Variants in BNC2 observed in about 807,000 individuals in gnomAD.
The protein encoded by BNC2 is zinc finger protein basonuclin-2.
A neutral mutation model predicts 76.3 loss-of-function variants in BNC2; 20 were observed. The observed-to-expected ratio is 0.26, with a 90% CI of 0.18 to 0.38. BNC2 has a LOEUF of 0.38. Ranked by LOEUF, BNC2 falls within the 10% of genes least tolerant of loss-of-function variation. BNC2 has a pLI of 1.00. For synonymous variants in BNC2, 582 were observed against 514.8 expected, an observed-to-expected ratio of 1.13 and a Z score of -1.77; for missense variants, 1,382 against 1,399.8, an observed-to-expected ratio of 0.99 and a Z score of 0.20.
chr9:16,523,947 C>T (rs993842531), intron 5 of BNC2, among the ~76,000 whole-genome samples: 1 of 152,046 alleles, frequency 6.6e-6, no homozygotes, highest in African/African-American at 2.4e-5. Flanking sequence ...ACAACAATTC[C>T]ATCTCAAAAA....
chr9:16,859,120 A>G (rs1423065196), intron 1 of BNC2, among the ~76,000 whole-genome samples: 2 of 152,142 alleles, frequency 1.3e-5, no homozygotes, highest in African/African-American at 4.8e-5. Context: ...ATCAGGAATC[A>G]AGGAAAGGCA....
At chr9:16,744,881 G>A (rs1179298078) in intron 1 of BNC2, among the ~76,000 whole-genome samples, 1 of 152,188 alleles carries the variant, frequency 6.6e-6, no homozygotes, top group Non-Finnish European at 1.5e-5. Flanking sequence ...ATATGTACAT[G>A]AATGAACTAA....
chr9:16,698,595 A>T (rs1320467105), intron 3 of BNC2, among the ~76,000 whole-genome samples: 1 of 152,124 alleles, frequency 6.6e-6, no homozygotes, highest in Non-Finnish European at 1.5e-5. Flanking sequence ...CGGGAGGCTG[A>T]GGCAGGAGAA....
intron 1 of BNC2, among the ~76,000 whole-genome samples, chr9:16,847,396 CGGGGCG>C (rs1819011267): frequency 5.0e-5 from 1 of 20,058 alleles, no homozygotes; most frequent in South Asian, 1.7e-3. Context: ...GAAGATTTCT[CGGGGCG>C]GGGGGGGGGG....
chr9:16,616,781 G>GAGGAGGGAAGGA lies in BNC2; in HGVS notation c.331-33697_331-33696insTCCTTCCCTCCT, dbSNP rs1309978519. 3.2e-4 allele frequency among the ~76,000 whole-genome samples: 17 copies of GAGGAGGGAAGGA among 52,800 alleles called. No homozygotes were observed. The East Asian group carries it at 9.9e-3, about 31-fold the overall frequency. The allele number at this position is 52,800 out of a possible 152,430, so 34.6% of individuals were successfully genotyped here. A position where few individuals can be genotyped will look rare whatever the true frequency, so the allele number is the denominator to read the frequency against. On this transcript the variant is annotated intron_variant, in intron 3 of 6. Coordinates refer to ENST00000380672, the MANE Select transcript of BNC2 (RefSeq NM_017637.6). ...GGAAGACAGGGATGGGAGGGGAGGG[G>GAGGAGGGAAGGA]AGGAAGGAGGGAAGGAAGGAAGGAA...
chr9:16,766,790 G>C (rs1020751833), intron 1 of BNC2, among the ~76,000 whole-genome samples: 1 of 152,184 alleles, frequency 6.6e-6, no homozygotes, highest in African/African-American at 2.4e-5. Flanking sequence ...TAAATGGTTT[G>C]GGAAGGTTAC....
intron 3 of BNC2, among the ~76,000 whole-genome samples, chr9:16,711,169 C>T (rs572034759): frequency 4.6e-4 from 70 of 152,074 alleles, no homozygotes; most frequent in South Asian, 1.2e-3. Context: ...GAAAGAGAAA[C>T]GCAAGAGCAA....
intron 4 of BNC2, among the ~76,000 whole-genome samples, chr9:16,554,952 G>A (rs1268442224): frequency 3.3e-5 from 5 of 152,212 alleles, no homozygotes; most frequent in African/African-American, 4.8e-5. Flanking sequence ...GTGCAAATGC[G>A]TTCAAATTGT....
rs1445241312 is a variant in BNC2 at position 16,414,361 on chromosome 9, C to T, written c.*4628G>A. The stretch of plus-strand genomic sequence containing the variant: ...TAGTTCTGATGAAAACACTGTGATC[C>T]CTCCAGTCTTTCTGGTATCTTTTAT... On this transcript the variant is annotated 3_prime_UTR_variant, in exon 7 of 7. Coordinates refer to ENST00000380672, the MANE Select transcript of BNC2 (RefSeq NM_017637.6). 1 of 152,190 alleles carries T rather than the reference C, an allele frequency of 6.6e-6. No homozygotes were observed. The highest frequency in any genetic ancestry group is 1.5e-5 in the Non-Finnish European group (1 of 68,032). 9.4% of individuals were successfully genotyped at this position (152,190 alleles called of 1,614,324 possible).
At chr9:16,703,747 C>T (rs1219431563) in intron 3 of BNC2, among the ~76,000 whole-genome samples, 1 of 152,060 alleles carries the variant, frequency 6.6e-6, no homozygotes, top group Non-Finnish European at 1.5e-5. Flanking sequence ...ATAGGGCACA[C>T]GGGTCCACTC....
chr9:16,775,657 C>G (rs1243236112), intron 1 of BNC2: 1 of 202,990 alleles, frequency 4.9e-6, no homozygotes, highest in African/African-American at 2.3e-5. Flanking sequence ...CTACTTCCAG[C>G]CTGGTCTGCT....
At chr9:16,560,590 G>C (rs1818981011) in intron 4 of BNC2, among the ~76,000 whole-genome samples, 1 of 152,052 alleles carries the variant, frequency 6.6e-6, no homozygotes, top group African/African-American at 2.4e-5. Flanking sequence ...GGACAAGTGT[G>C]GTAGAGCAAG....
At chr9:16,643,299 C>CT (rs1821539814) in intron 3 of BNC2, among the ~76,000 whole-genome samples, 1 of 108,988 alleles carries the variant, frequency 9.2e-6, no homozygotes, top group South Asian at 4.1e-4. Context: ...GAGCAAGACT[C>CT]TGTCTCAAAA....
At chr9:16,568,408 A>G (rs1345059497) in intron 4 of BNC2, among the ~76,000 whole-genome samples, 2 of 152,110 alleles carry the variant, frequency 1.3e-5, no homozygotes, top group East Asian at 3.9e-4. Context: ...TGAATTTATG[A>G]GGGTGGTGGC....
At chr9:16,662,351 A>C (rs1488739494) in intron 3 of BNC2, among the ~76,000 whole-genome samples, 1 of 152,238 alleles carries the variant, frequency 6.6e-6, no homozygotes, top group Admixed American at 6.5e-5. Context: ...CCAATACTTT[A>C]TTTAAATTCT....
chr9:16,753,247 G>C (rs1264837617), intron 1 of BNC2, among the ~76,000 whole-genome samples: 1 of 152,182 alleles, frequency 6.6e-6, no homozygotes, highest in African/African-American at 2.4e-5. Context: ...ATCCTGAAAT[G>C]CATGTCCTGG....
intron 1 of BNC2, among the ~76,000 whole-genome samples, chr9:16,789,773 AAACG>A (rs1281829807): frequency 6.6e-6 from 1 of 152,216 alleles, no homozygotes; most frequent in Non-Finnish European, 1.5e-5. Flanking sequence ...ATTCTCTGAG[AAACG>A]AACTACTATT....
chr9:16,450,226 G>A (rs1362450541), intron 5 of BNC2, among the ~76,000 whole-genome samples: 1 of 152,164 alleles, frequency 6.6e-6, no homozygotes, highest in Non-Finnish European at 1.5e-5. Flanking sequence ...GCATCACAGT[G>A]ACCACATCTG....
rs1820575165 is a variant in BNC2, at chr9:16,415,875, T to C, written c.*3114A>G. The C allele has an allele frequency of 1.3e-5, 2 of 152,206 alleles. No homozygotes were observed. The highest frequency in any genetic ancestry group is 2.4e-5 in the African/African-American group (1 of 41,456). The allele number at this position is 152,206 out of a possible 1,614,324, so 9.4% of individuals were successfully genotyped here. On this transcript the variant is annotated 3_prime_UTR_variant, in exon 7 of 7. Coordinates refer to ENST00000380672, the MANE Select transcript of BNC2 (RefSeq NM_017637.6). ...CTGGGCACTTGAGGCACAAAAGTAG[T>C]AGCAAATAGGGGAGATACTTAAAAA...
Sources: allele counts gnomAD v4.1 joint callset (sites outside exome capture counted in the v4.1 genomes callset), GRCh38; gene constraint gnomAD v4.1.1; transcripts MANE v1.5; gene names NCBI Gene and HGNC (gene_info 2026-07-23, HGNC 2026-07-21).